TMPRSS15: variants seen among roughly 807,000 people sequenced by gnomAD.
TMPRSS15 encodes the protein transmembrane serine protease 15.
A neutral mutation model predicts 125.3 loss-of-function variants in TMPRSS15; 128 were observed. That is an observed-to-expected ratio of 1.02 (90% confidence interval 0.89 to 1.18). The LOEUF is 1.18. Ranked by LOEUF, TMPRSS15 falls within the 50% of genes most tolerant of loss-of-function variation. The pLI, the probability that TMPRSS15 is intolerant of heterozygous loss-of-function variation, is 0.00. For synonymous variants in TMPRSS15, 446 were observed against 423.2 expected (o/e 1.05, Z -0.66); for missense variants, 1,283 against 1,212.7 (o/e 1.06, Z -0.86).
At chr21:18,317,827 CCCATCCTATT>C (rs1309718512) in intron 16 of TMPRSS15, among the ~76,000 whole-genome samples, 1 of 97,192 alleles carries the variant, frequency 1.0e-5, no homozygotes, top group Non-Finnish European at 1.9e-5. Flanking sequence ...TCTATCCTAT[CCCATCCTATT>C]CCATCCCATC....
chr21:18,453,930 G>C (rs1978388547), intron 1 of TMPRSS15, among the ~76,000 whole-genome samples: 2 of 152,198 alleles, frequency 1.3e-5, no homozygotes, highest in African/African-American at 4.8e-5. Context: ...CCACCTGTAT[G>C]AAGTATCTGT....
intron 5 of TMPRSS15, among the ~76,000 whole-genome samples, chr21:18,377,132 C>T (rs944736444): frequency 6.6e-6 from 1 of 152,030 alleles, no homozygotes; most frequent in Non-Finnish European, 1.5e-5. Flanking sequence ...TTATGTAGTA[C>T]ATGGATTCAC....
intron 21 of TMPRSS15, among the ~76,000 whole-genome samples, chr21:18,281,632 CTA>C (rs1785129403): frequency 6.6e-6 from 1 of 152,072 alleles, no homozygotes; most frequent in Admixed American, 6.6e-5. Context: ...ATTTGTGCTA[CTA>C]TATATAATAT....
chr21:18,342,196 T>A (rs771871839), intron 12 of TMPRSS15, among the ~76,000 whole-genome samples: 1 of 152,210 alleles, frequency 6.6e-6, no homozygotes, highest in South Asian at 2.1e-4. Context: ...GTATTTTAGC[T>A]GTACTTTCCT....
intron 10 of TMPRSS15, among the ~76,000 whole-genome samples, chr21:18,346,574 T>A: frequency 6.6e-6 from 1 of 152,216 alleles, no homozygotes; most frequent in East Asian, 1.9e-4. Context: ...GTTTGCTTCT[T>A]TAATTTGAGA....
At chr21:18,301,905 A>G (rs1372533652) in intron 18 of TMPRSS15, among the ~76,000 whole-genome samples, 1 of 152,162 alleles carries the variant, frequency 6.6e-6, no homozygotes, top group Non-Finnish European at 1.5e-5. Flanking sequence ...ATTATTTTTG[A>G]GGTCATAGAT....
intron 3 of TMPRSS15, 140 bp downstream of exon 3, chr21:18,397,739 G>C (rs1401723801): frequency 1.9e-6 from 1 of 530,878 alleles, no homozygotes; most frequent in African/African-American, 1.9e-5. Context: ...AGTTTATGCT[G>C]TGCCACTTTG....
At chr21:18,466,764 T>G (rs1014677411) in intron 1 of TMPRSS15, among the ~76,000 whole-genome samples, 1 of 152,126 alleles carries the variant, frequency 6.6e-6, no homozygotes, top group Admixed American at 6.5e-5. Flanking sequence ...AAACAACAGA[T>G]GCTGGAGAGG....
At chr21:18,403,281 C>A (rs1003051632) in intron 1 of TMPRSS15, among the ~76,000 whole-genome samples, 197 bp downstream of exon 1, 11 of 152,100 alleles carry the variant, frequency 7.2e-5, no homozygotes, top group African/African-American at 2.7e-4. Flanking sequence ...TCCTAATATT[C>A]TCTGAAGGGA....
chr21:18,427,657 ATTGTTTACC>A (rs1388995157), intron 1 of TMPRSS15, among the ~76,000 whole-genome samples: 2 of 152,192 alleles, frequency 1.3e-5, no homozygotes, highest in Non-Finnish European at 2.9e-5. Flanking sequence ...ATATTTTATC[ATTGTTTACC>A]TAAGAAATAT....
At chr21:18,458,710 A>T (rs149330556) in intron 1 of TMPRSS15, among the ~76,000 whole-genome samples, 1 of 152,264 alleles carries the variant, frequency 6.6e-6, no homozygotes, top group East Asian at 1.9e-4. Flanking sequence ...TAGTTCTAAC[A>T]ATGTCTCCAT....
At chr21:18,293,658 C>A (rs2074865065) in intron 21 of TMPRSS15, among the ~76,000 whole-genome samples, 1 of 152,148 alleles carries the variant, frequency 6.6e-6, no homozygotes, top group Admixed American at 6.5e-5. Context: ...TCTAGGACTG[C>A]AAAATAAATG....
intron 1 of TMPRSS15, among the ~76,000 whole-genome samples, chr21:18,413,293 T>TTTTTC (rs142461482): frequency 0.28 from 38,282 of 139,066 alleles, 6,007 homozygotes; most frequent in East Asian, 0.57. Context: ...TCTTTCTTTC[T>TTTTTC]TTTCTTTCTT....
At chr21:18,449,344 C>G (rs1226540354) in intron 1 of TMPRSS15, among the ~76,000 whole-genome samples, 1 of 151,948 alleles carries the variant, frequency 6.6e-6, no homozygotes, top group Non-Finnish European at 1.5e-5. Flanking sequence ...TAGAGAGGAA[C>G]CCAGAGTTGA....
intron 21 of TMPRSS15, among the ~76,000 whole-genome samples, chr21:18,282,889 T>A (rs2074718220): frequency 6.6e-6 from 1 of 152,104 alleles, no homozygotes; most frequent in Admixed American, 6.5e-5. Context: ...GATTGAGAAC[T>A]AGAAGGAAGG....
chr21:18,362,178 G>A (rs2075684903), intron 7 of TMPRSS15, among the ~76,000 whole-genome samples: 2 of 152,138 alleles, frequency 1.3e-5, no homozygotes, highest in South Asian at 4.1e-4. Context: ...GTTTGAAGCT[G>A]TTTAAATTCT....
rs577910104 is a variant in TMPRSS15, at chr21:18,359,670, T to G, written c.880+87A>C. On this transcript the variant is annotated intron_variant, in intron 8 of 24. Coordinates refer to ENST00000284885, the MANE Select transcript of TMPRSS15 (RefSeq NM_002772.3). ...TATAAGTTTCAAGTCCATATTCACTTCAAAATCAAAGGGAAAACATACCAC... is the reference window on the plus strand; with the variant it reads ...TATAAGTTTCAAGTCCATATTCACTGCAAAATCAAAGGGAAAACATACCAC... 1.1e-5 allele frequency: 7 copies of G among 663,846 alleles called. No homozygotes were observed. The African/African-American group carries it at 1.1e-4, about 10-fold the overall frequency. 41.1% of individuals were successfully genotyped at this position (663,846 alleles called of 1,614,324 possible). A position where few individuals can be genotyped will look rare whatever the true frequency, so the allele number is the denominator to read the frequency against.
intron 1 of TMPRSS15, among the ~76,000 whole-genome samples, chr21:18,443,807 C>G (rs1219364461): frequency 1.3e-5 from 2 of 152,348 alleles, no homozygotes; most frequent in African/African-American, 4.8e-5. Context: ...CACCGGTAGA[C>G]AAGCAGGCAA....
chr21:18,366,130 T>C (rs1245699668), intron 6 of TMPRSS15, among the ~76,000 whole-genome samples: 2 of 152,188 alleles, frequency 1.3e-5, no homozygotes, highest in African/African-American at 4.8e-5. Context: ...AATTGAAAAC[T>C]GCCAGTTCAG....
Sources: gnomAD v4.1 joint callset for allele counts (sites outside exome capture counted in the v4.1 genomes callset) on GRCh38, gnomAD v4.1.1 for gene constraint, MANE v1.5 for transcripts, NCBI Gene and HGNC (gene_info 2026-07-23, HGNC 2026-07-21) for gene names.